PIK3C2A: variants seen among roughly 807,000 people sequenced by gnomAD.
PIK3C2A encodes phosphatidylinositol 4-phosphate 3-kinase C2 domain-containing subunit alpha.
A neutral mutation model predicts 204.5 loss-of-function variants in PIK3C2A; 97 were observed. The observed-to-expected ratio is 0.47, with a 90% CI of 0.40 to 0.56. The LOEUF is 0.56. Among genes scored for constraint, PIK3C2A ranks in the 20% least tolerant of loss-of-function variants. PIK3C2A has a pLI of 0.00. For missense variants in PIK3C2A, 1,735 were observed against 1,969.2 expected (o/e 0.88, Z 2.25); for synonymous variants, 653 against 664.4 (o/e 0.98, Z 0.26).
chr11:17,124,949 T>C (rs1257450569), intron 13 of PIK3C2A, among the ~76,000 whole-genome samples: 1 of 152,176 alleles, frequency 6.6e-6, no homozygotes, highest in Non-Finnish European at 1.5e-5. Context: ...GAGGCCTGAT[T>C]TGATTCAGAT....
In PIK3C2A at chr11:17,134,984, A is replaced by G. The variant is rs1468725672; in HGVS notation, c.1943T>C (p.Leu648Ser). The G allele has an allele frequency of 1.1e-5, 17 of 1,613,998 alleles. No individual in the cohort carries two copies. Among genetic ancestry groups the G allele is most frequent in the East Asian group, 2.2e-5 (1 of 44,896 alleles). ...GAGAAGATCATAAATTGCTGCAGTT[A>G]ATTGGTTTATGCTTACTTGAACAGG... is the stretch of plus-strand genomic sequence containing the variant. ...ENPVQVSINQ[L>S]TAAIYDLLRL... The change falls in exon 11 of 33, where the codon TTA becomes TCA. Residue 648 changes from leucine (L) to serine (S), a missense_variant. Physicochemically the swap from Leu to Ser is moderately radical, Grantham distance 145. This residue lies in a region of PIK3C2A where 567 missense variants were observed against 576.0 expected (regional missense o/e 0.98). Transcript: ENST00000691414.
At chr11:17,195,741 GCA>G (rs1565307441) in intron 1 of PIK3C2A, among the ~76,000 whole-genome samples, 7 of 131,758 alleles carry the variant, frequency 5.3e-5, no homozygotes, top group African/African-American at 9.4e-5. Context: ...AGACTCTATT[GCA>G]AAAAAAAAAA....
In PIK3C2A at chr11:17,132,036, T is replaced by C. The variant is rs776589694; in HGVS notation, c.2111A>G (p.Tyr704Cys). Residue 704 changes from tyrosine to cysteine, a missense_variant and splice_region_variant, in exon 12 of 33, where the codon TAT becomes TGT. Around this residue, in one of 6 missense-constraint regions of PIK3C2A, gnomAD observed 567 missense variants for 576.0 expected, o/e 0.98. Coordinates refer to ENST00000691414, the MANE Select transcript of PIK3C2A (RefSeq NM_002645.4). ...TGAACATATCAAGTAGTATTTTTCA[T>C]AACTGAGAAAAGAAAGTTTAACTTG... ...HGISSNWVSN[Y>C]EKYYLICSLS... The C allele has an allele frequency of 1.3e-6, 2 of 1,501,028 alleles. No homozygotes were observed. Among genetic ancestry groups the C allele is most frequent in the Admixed American group, 2.1e-5 (1 of 46,530 alleles). The allele number at this position is 1,501,028 out of a possible 1,614,324, so 93.0% of individuals were successfully genotyped here.
intron 8 of PIK3C2A, among the ~76,000 whole-genome samples, chr11:17,137,200 C>T (rs1849900945): frequency 6.6e-6 from 1 of 152,136 alleles, no homozygotes; most frequent in Non-Finnish European, 1.5e-5. Context: ...TTTTTCCACC[C>T]TTGAGGCTTG....
intron 1 of PIK3C2A, among the ~76,000 whole-genome samples, chr11:17,185,816 T>C (rs766922087): frequency 2.6e-5 from 4 of 152,188 alleles, no homozygotes; most frequent in Non-Finnish European, 4.4e-5. Flanking sequence ...TCCTGGATTA[T>C]TGAAATAGCC....
chr11:17,137,463 G>A (rs1017137348), intron 8 of PIK3C2A, among the ~76,000 whole-genome samples: 1 of 130,902 alleles, frequency 7.6e-6, no homozygotes, highest in East Asian at 2.2e-4. Flanking sequence ...TGCCCAGGCT[G>A]GAGTGCAGTG....
chr11:17,173,862 G>A (rs575990083), intron 1 of PIK3C2A, among the ~76,000 whole-genome samples: 57 of 152,300 alleles, frequency 3.7e-4, no homozygotes, highest in Non-Finnish European at 5.6e-4. Context: ...GAGTGCAGTG[G>A]CACAGTCTCG....
chr11:17,094,742 T>C (rs1262250203), intron 27 of PIK3C2A, among the ~76,000 whole-genome samples: 2 of 152,018 alleles, frequency 1.3e-5, no homozygotes, highest in African/African-American at 4.8e-5. Flanking sequence ...CTTTCCTATA[T>C]TGATCTTAGC....
intron 1 of PIK3C2A, among the ~76,000 whole-genome samples, chr11:17,184,556 A>G (rs1265703934): frequency 2.6e-5 from 4 of 152,186 alleles, no homozygotes; most frequent in Admixed American, 1.3e-4. Flanking sequence ...CTTATATGTT[A>G]TTACAAAAGC....
At chr11:17,100,351 T>A (rs894936670) in intron 25 of PIK3C2A, among the ~76,000 whole-genome samples, 2 of 150,974 alleles carry the variant, frequency 1.3e-5, no homozygotes, top group African/African-American at 4.9e-5. Context: ...GTAGTTGGGA[T>A]TACAGATACG....
chr11:17,136,761 CAT>C (rs924620208), intron 8 of PIK3C2A, 136 bp from the exon 9 acceptor site: 2 of 517,116 alleles, frequency 3.9e-6, no homozygotes, highest in Non-Finnish European at 6.6e-6. Context: ...AAAGAAAAAA[CAT>C]AGCTTTTCAA....
chr11:17,153,139 T>C (rs964234718), intron 3 of PIK3C2A, among the ~76,000 whole-genome samples: 1 of 152,118 alleles, frequency 6.6e-6, no homozygotes, highest in African/African-American at 2.4e-5. Context: ...CACTATTAGA[T>C]GAACTTTCTC....
chr11:17,123,689 T>C (rs1325828421), intron 13 of PIK3C2A, among the ~76,000 whole-genome samples: 1 of 152,170 alleles, frequency 6.6e-6, no homozygotes, highest in African/African-American at 2.4e-5. Context: ...TTTCCTGTTG[T>C]AGTTCAAATT....
chr11:17,106,286 C>G (rs183508043), intron 22 of PIK3C2A, among the ~76,000 whole-genome samples: 1 of 151,708 alleles, frequency 6.6e-6, no homozygotes, highest in African/African-American at 2.4e-5. Flanking sequence ...GTGACACACA[C>G]CTGCAGTCCC....
intron 28 of PIK3C2A, among the ~76,000 whole-genome samples, chr11:17,092,935 A>G (rs2137263190): frequency 6.6e-6 from 1 of 152,338 alleles, no homozygotes; most frequent in Non-Finnish European, 1.5e-5. Flanking sequence ...TCCAGATCTG[A>G]TCCCTAAAAA....
At position 17,133,939 on chromosome 11, in the gene PIK3C2A, T is replaced by A. The variant is rs548738453; in HGVS notation, c.2108+880A>T. On this transcript the variant is annotated intron_variant, in intron 11 of 32. Coordinates refer to ENST00000691414, the MANE Select transcript of PIK3C2A (RefSeq NM_002645.4). ...CAAGACTCCATCTCAAAAAAAAAAA[T>A]AATAATAATGAACGAACACCAGTCT... Among the ~76,000 whole-genome samples the A allele has an allele frequency of 1.6e-4, 25 of 151,540 alleles. No homozygotes were observed. In the South Asian group the frequency reaches 3.8e-3, roughly 23 times the overall value.
At chr11:17,159,335 T>C (rs1850704352) in intron 2 of PIK3C2A, among the ~76,000 whole-genome samples, 1 of 152,228 alleles carries the variant, frequency 6.6e-6, no homozygotes, top group Non-Finnish European at 1.5e-5. Flanking sequence ...AAGAGATATA[T>C]GATAATCAAT....
intron 1 of PIK3C2A, among the ~76,000 whole-genome samples, chr11:17,192,675 G>C (rs1004107399): frequency 6.6e-6 from 1 of 151,860 alleles, no homozygotes; most frequent in African/African-American, 2.4e-5. Flanking sequence ...TCAAACTCCT[G>C]ATCTCAAGTG....
chr11:17,121,785 T>A (rs184284223), intron 15 of PIK3C2A, among the ~76,000 whole-genome samples: 174 of 152,178 alleles, frequency 1.1e-3, no homozygotes, highest in Admixed American at 0.011. Flanking sequence ...TTGTTCCTAC[T>A]TAGTCTCCTT....
Sources: gnomAD v4.1 joint callset for allele counts (sites outside exome capture counted in the v4.1 genomes callset) on GRCh38, gnomAD v4.1.1 for gene constraint, gnomAD v4.1.1 regional missense constraint, MANE v1.5 for transcripts, NCBI Gene and HGNC (gene_info 2026-07-23, HGNC 2026-07-21) for gene names.